TACR1: variants seen among roughly 807,000 people sequenced by gnomAD.
TACR1 encodes substance-P receptor.
TACR1 carries 25 observed loss-of-function variants against 35.8 expected under a neutral mutation model. That is an observed-to-expected ratio of 0.70 (90% CI 0.51 to 0.98). TACR1 has a LOEUF of 0.98. TACR1 is among the 50% of genes least tolerant of loss of function. TACR1 has a pLI of 0.00. For missense variants in TACR1, 478 were observed against 522.9 expected (o/e 0.91, Z 0.84); for synonymous variants, 195 against 206.7 (o/e 0.94, Z 0.48).
intron 2 of TACR1, among the ~76,000 whole-genome samples, chr2:75,058,620 C>A (rs1352019226): frequency 6.6e-6 from 1 of 152,194 alleles, no homozygotes. Flanking sequence ...TGATTTTGAT[C>A]ATTAAATCCT....
At chr2:75,148,237 T>C (rs1470549225) in intron 1 of TACR1, among the ~76,000 whole-genome samples, 1 of 152,240 alleles carries the variant, frequency 6.6e-6, no homozygotes, top group African/African-American at 2.4e-5. Flanking sequence ...ATATACCCAG[T>C]AATGAGATTG....
At chr2:75,156,672 C>G (rs925617404) in intron 1 of TACR1, among the ~76,000 whole-genome samples, 1 of 150,892 alleles carries the variant, frequency 6.6e-6, no homozygotes, top group Non-Finnish European at 1.5e-5. Context: ...CTTCCAACAC[C>G]TCGATTTTGG....
intron 2 of TACR1, among the ~76,000 whole-genome samples, chr2:75,075,133 A>AG (rs1277428719): frequency 6.6e-6 from 1 of 152,222 alleles, no homozygotes; most frequent in Non-Finnish European, 1.5e-5. Flanking sequence ...ATTAAAGCTG[A>AG]GAAGCGGCAT....
intron 2 of TACR1, among the ~76,000 whole-genome samples, chr2:75,113,136 C>G (rs1359851720): frequency 1.3e-5 from 2 of 152,158 alleles, no homozygotes; most frequent in African/African-American, 4.8e-5. Flanking sequence ...AATTTTTGAA[C>G]AGTAGTTTCA....
chr2:75,166,014 A>G (rs1156525286), intron 1 of TACR1, among the ~76,000 whole-genome samples: 1 of 152,226 alleles, frequency 6.6e-6, no homozygotes, highest in Non-Finnish European at 1.5e-5. Context: ...CTTTAATTAA[A>G]AAGTCATGCA....
chr2:75,182,129 C>T (rs1675573779), intron 1 of TACR1, among the ~76,000 whole-genome samples: 1 of 152,210 alleles, frequency 6.6e-6, no homozygotes, highest in South Asian at 2.1e-4. Flanking sequence ...TGGTGTTCTT[C>T]TCCAGGCCTC....
chr2:75,136,940 T>C (rs187512920), intron 1 of TACR1, among the ~76,000 whole-genome samples: 15 of 152,310 alleles, frequency 9.8e-5, no homozygotes, highest in African/African-American at 3.6e-4. Context: ...CTGTGATGCC[T>C]ACAACTGGCT....
intron 2 of TACR1, among the ~76,000 whole-genome samples, chr2:75,055,805 G>C (rs1672557964): frequency 6.6e-6 from 1 of 152,176 alleles, no homozygotes. Flanking sequence ...ACCCCACAGG[G>C]CTGGGTCCCA....
Position 75,094,703 on chromosome 2 carries a change from G to A in TACR1, c.584+25871C>T, listed in dbSNP as rs544732341. On this transcript the variant is annotated intron_variant, in intron 2 of 4. Coordinates refer to ENST00000305249, the MANE Select transcript of TACR1 (RefSeq NM_001058.4). ...TGGAGGTGAGGAAGTGGTGGAAATG[G>A]TGGTGGCAGCAGTGAAGGTGGTGGC... is the stretch of plus-strand genomic sequence containing the variant. Among the ~76,000 whole-genome samples the A allele has an allele frequency of 3.5e-4, 53 of 151,828 alleles. 1 individual carries two copies. The highest frequency in any genetic ancestry group is 6.5e-4 in the Non-Finnish European group (44 of 67,932).
chr2:75,065,234 C>A lies in TACR1; in HGVS notation c.585-11479G>T, dbSNP rs78255518. ...TTTATGAGGTCGAATTCATTACACA[C>A]CACACAGTGCCCACCTCCCAACCCC... On this transcript the variant is annotated intron_variant, in intron 2 of 4. Transcript: ENST00000305249. 8.8e-3 allele frequency among the ~76,000 whole-genome samples: 1,338 copies of A among 152,340 alleles called. 13 individuals are homozygous for A. Among genetic ancestry groups the A allele is most frequent in the African/African-American group, 0.03 (1,262 of 41,572 alleles).
intron 1 of TACR1, among the ~76,000 whole-genome samples, chr2:75,159,813 G>C (rs745454861): frequency 2.0e-5 from 3 of 152,178 alleles, no homozygotes; most frequent in Non-Finnish European, 4.4e-5. Flanking sequence ...AAAGAGCTGA[G>C]TCTGACAGAG....
chr2:75,120,436 G>T (rs1208865835), intron 2 of TACR1, 138 bp downstream of exon 2: 2 of 712,176 alleles, frequency 2.8e-6, no homozygotes, highest in Admixed American at 3.0e-5. Flanking sequence ...TGATATGAGG[G>T]TATATGTGAG....
chr2:75,166,237 C>G (rs746335947), intron 1 of TACR1, among the ~76,000 whole-genome samples: 2 of 152,136 alleles, frequency 1.3e-5, no homozygotes, highest in Non-Finnish European at 2.9e-5. Context: ...GAAATTGATT[C>G]AGTAAAATTC....
chr2:75,065,411 C>T (rs1287306458), intron 2 of TACR1, among the ~76,000 whole-genome samples: 1 of 152,198 alleles, frequency 6.6e-6, no homozygotes, highest in African/African-American at 2.4e-5. Context: ...CTCTGAGTAT[C>T]AGTGGGTACT....
intron 2 of TACR1, among the ~76,000 whole-genome samples, chr2:75,110,002 C>T (rs777783601): frequency 4.6e-5 from 7 of 152,148 alleles, no homozygotes; most frequent in Non-Finnish European, 8.8e-5. Flanking sequence ...TAAAAGGTCT[C>T]AGCAATGACA....
chr2:75,108,533 A>G (rs1304273832), intron 2 of TACR1, among the ~76,000 whole-genome samples: 1 of 152,200 alleles, frequency 6.6e-6, no homozygotes, highest in African/African-American at 2.4e-5. Flanking sequence ...TGTGAAACCA[A>G]TAACCCAAAA....
At chr2:75,050,236 C>T (rs1382003410) in intron 4 of TACR1, among the ~76,000 whole-genome samples, 3 of 152,148 alleles carry the variant, frequency 2.0e-5, no homozygotes, top group Non-Finnish European at 4.4e-5. Context: ...TACTTAAAGG[C>T]GTGCTGCTAG....
At chr2:75,125,387 T>C (rs924605074) in intron 1 of TACR1, among the ~76,000 whole-genome samples, 2 of 152,096 alleles carry the variant, frequency 1.3e-5, no homozygotes, top group Non-Finnish European at 2.9e-5. Flanking sequence ...GGTTTCACCA[T>C]GTTTGCTAGG....
intron 2 of TACR1, among the ~76,000 whole-genome samples, chr2:75,093,481 C>T (rs1483152514): frequency 6.6e-6 from 1 of 152,136 alleles, no homozygotes; most frequent in Non-Finnish European, 1.5e-5. Flanking sequence ...AAACTCCAGG[C>T]TGCACAGGTT....
Sources: gnomAD v4.1 joint callset for allele counts (sites outside exome capture counted in the v4.1 genomes callset) on GRCh38, gnomAD v4.1.1 for gene constraint, MANE v1.5 for transcripts, NCBI Gene and HGNC (gene_info 2026-07-23, HGNC 2026-07-21) for gene names.